ERMP1: variants seen among roughly 807,000 people sequenced by gnomAD.
The protein encoded by ERMP1 is Felix-ina.
A neutral mutation model predicts 92.0 loss-of-function variants in ERMP1; 86 were observed. The observed-to-expected ratio is 0.93, with a 90% CI of 0.79 to 1.12. The LOEUF (loss-of-function observed/expected upper bound fraction) is 1.12, where lower values mean the gene tolerates loss of function less well. Among genes scored for constraint, ERMP1 ranks in the 50% most tolerant of loss-of-function variants. The pLI is 0.00. For missense variants in ERMP1, 1,342 were observed against 1,116.3 expected (o/e 1.20, Z -2.88); for synonymous variants, 530 against 412.8 (o/e 1.28, Z -3.44).
In ERMP1 at chr9:5,825,133, C is replaced by T; in HGVS notation, c.727G>A (p.Val243Ile). The stretch of plus-strand genomic sequence containing the variant: ...TCAGCACCATTAAAGAGAAATATGA[C>T]AGCATGATGCAAGGCTTCTGAAGAT... Reference protein sequence around the residue: ...STSSEALHHAVIFLFNGAEEN... With the variant: ...STSSEALHHAIIFLFNGAEEN... Residue 243 changes from valine (V) to isoleucine (I), a missense_variant, in exon 3 of 15, where the codon GTC (valine) becomes ATC (isoleucine). Val to Ile is a conservative substitution (Grantham distance 29, BLOSUM62 3). Transcript: ENST00000339450. 1 of 1,614,038 alleles carries T rather than the reference C, an allele frequency of 6.2e-7. No homozygotes were observed.
intron 10 of ERMP1, among the ~76,000 whole-genome samples, chr9:5,802,317 C>CTAAAG (rs1350958240): frequency 6.6e-6 from 1 of 152,130 alleles, no homozygotes; most frequent in Non-Finnish European, 1.5e-5. Flanking sequence ...AACCCACCTC[C>CTAAAG]CCTTTATGCC....
At chr9:5,848,762 A>T (rs1402242546) in intron 6 of ERMP1, among the ~76,000 whole-genome samples, 1 of 152,236 alleles carries the variant, frequency 6.6e-6, no homozygotes, top group Non-Finnish European at 1.5e-5. Flanking sequence ...AGGGACTGCA[A>T]CATAGAGACT....
chr9:5,859,431 G>A (rs1043197993), intron 6 of ERMP1, among the ~76,000 whole-genome samples: 4 of 152,180 alleles, frequency 2.6e-5, no homozygotes, highest in African/African-American at 9.7e-5. Flanking sequence ...AGGCTCTGAG[G>A]AATTTAATAA....
At chr9:5,853,193 C>A (rs542995011) in intron 6 of ERMP1, among the ~76,000 whole-genome samples, 1 of 152,312 alleles carries the variant, frequency 6.6e-6, no homozygotes, top group Non-Finnish European at 1.5e-5. Flanking sequence ...AGGTTACTTT[C>A]TTCATTCTGA....
intron 13 of ERMP1, among the ~76,000 whole-genome samples, chr9:5,790,093 A>G (rs1828114369): frequency 6.6e-6 from 1 of 152,168 alleles, no homozygotes. Flanking sequence ...ATTGGATGGA[A>G]AATGGGAGAG....
chr9:5,833,673 T>C (rs544554627), upstream of ERMP1, among the ~76,000 whole-genome samples: 1 of 152,382 alleles, frequency 6.6e-6, no homozygotes, highest in African/African-American at 2.4e-5. Context: ...TCTTATTTAA[T>C]TATCTTTAAC....
upstream of ERMP1, among the ~76,000 whole-genome samples, chr9:5,834,951 T>TA (rs529723719): frequency 1.5e-3 from 168 of 110,184 alleles, 7 homozygotes; most frequent in East Asian, 0.041. Flanking sequence ...ATTAGATAGA[T>TA]AGACAGATGA....
At chr9:5,852,042 G>A (rs981048353) in intron 6 of ERMP1, among the ~76,000 whole-genome samples, 39 of 152,018 alleles carry the variant, frequency 2.6e-4, no homozygotes, top group African/African-American at 9.4e-4. Flanking sequence ...TTATATAGAC[G>A]TTTATGTCAT....
At chr9:5,794,798 T>G (rs1828347240) in intron 13 of ERMP1, among the ~76,000 whole-genome samples, 1 of 152,026 alleles carries the variant, frequency 6.6e-6, no homozygotes, top group African/African-American at 2.4e-5. Flanking sequence ...CCTACGGGGG[T>G]TCATAGGTGA....
At chr9:5,865,380 C>T (rs982639687) in intron 5 of ERMP1, among the ~76,000 whole-genome samples, 3 of 152,040 alleles carry the variant, frequency 2.0e-5, no homozygotes, top group Non-Finnish European at 1.5e-5. Flanking sequence ...CGGTGGCAGG[C>T]GCCTGTAGTC....
At chr9:5,844,943 T>C (rs16923551) in intron 6 of ERMP1, among the ~76,000 whole-genome samples, 6,240 of 152,228 alleles carry the variant, frequency 0.041, 353 homozygotes, top group East Asian at 0.27. Context: ...TGTGGTTTTC[T>C]TCAGAGGGCA....
At chr9:5,814,486 T>C (rs956856679) in intron 4 of ERMP1, among the ~76,000 whole-genome samples, 1 of 152,210 alleles carries the variant, frequency 6.6e-6, no homozygotes, top group Non-Finnish European at 1.5e-5. Flanking sequence ...CTCACGCATA[T>C]AATCCCAGCA....
chr9:5,827,949 G>A (rs1214237124), intron 2 of ERMP1, among the ~76,000 whole-genome samples: 1 of 152,120 alleles, frequency 6.6e-6, no homozygotes, highest in Non-Finnish European at 1.5e-5. Context: ...CTGCACTCTA[G>A]CCTGGGCGAC....
intron 13 of ERMP1, among the ~76,000 whole-genome samples, chr9:5,794,792 C>G (rs540352828): frequency 2.0e-5 from 3 of 152,170 alleles, no homozygotes; most frequent in Admixed American, 6.5e-5. Context: ...ACCAAGCCTA[C>G]GGGGGTTCAT....
At chr9:5,839,936 A>G (rs1830140556) in intron 6 of ERMP1, among the ~76,000 whole-genome samples, 2 of 152,210 alleles carry the variant, frequency 1.3e-5, no homozygotes, top group Non-Finnish European at 2.9e-5. Context: ...TTGGTACATT[A>G]GCAATCCATA....
chr9:5,814,727 C>T (rs1349021908), intron 4 of ERMP1, among the ~76,000 whole-genome samples: 2 of 151,952 alleles, frequency 1.3e-5, no homozygotes, highest in African/African-American at 4.8e-5. Flanking sequence ...GAGACTCCAT[C>T]TGAAAAAATA....
rs1289105399 is a variant in ERMP1, at chr9:5,810,125, A to G, written c.1434T>C (p.Ile478=). 3 of 1,613,982 alleles carry G rather than the reference A, an allele frequency of 1.9e-6. No individual in the cohort carries two copies. The highest frequency in any genetic ancestry group is 2.5e-6 in the Non-Finnish European group (3 of 1,179,828). ...VLIIAVFISL[I]GQSLSWYNHF... ...GGTTATACCATGAGAGAGACTGTCC[A>G]ATAAGAGAGATGAACACTGCTATAA... Residue 478 remains isoleucine, a synonymous_variant, in exon 8 of 15, where the codon ATT becomes ATC. Transcript: ENST00000339450.
At position 5,810,142 on chromosome 9, in the gene ERMP1, C is replaced by G; in HGVS notation, c.1417G>C (p.Val473Leu). Residue 473 changes from valine (V) to leucine (L), a missense_variant, in exon 8 of 15, where the codon GTG becomes CTG. Physicochemically the swap from Val to Leu is conservative, Grantham distance 32. Coordinates refer to ENST00000339450, the MANE Select transcript of ERMP1 (RefSeq NM_024896.3). ...TSLVTVLIIA[V>L]FISLIGQSLS... ...GACTGTCCAATAAGAGAGATGAACACTGCTATAATGAGAACGGTAACAAGG... is the reference window on the plus strand; with the variant it reads ...GACTGTCCAATAAGAGAGATGAACAGTGCTATAATGAGAACGGTAACAAGG... 6.2e-7 allele frequency: 1 copy of G among 1,613,976 alleles called. No homozygotes were observed. Among genetic ancestry groups the G allele is most frequent in the Non-Finnish European group, 8.5e-7 (1 of 1,179,884 alleles).
At position 5,810,075 on chromosome 9, in the gene ERMP1, TAC is replaced by T; in HGVS notation, c.1482_1483del (p.Tyr495TrpfsTer34). 1.9e-6 allele frequency: 3 copies of T among 1,614,004 alleles called. No individual in the cohort carries two copies. The highest frequency in any genetic ancestry group is 1.7e-6 in the Non-Finnish European group (2 of 1,179,914). On this transcript the variant is annotated frameshift_variant, in exon 8 of 15. Coordinates refer to ENST00000339450, the MANE Select transcript of ERMP1 (RefSeq NM_024896.3). LOFTEE classifies it high-confidence loss of function. The stretch of plus-strand genomic sequence containing the variant: ...TATTTTGGCTACAGTTGCAGTTCCA[TAC>T]AGACAAACGGAGACATAGAAGTGGT...
Sources: gnomAD v4.1 joint callset for allele counts (sites outside exome capture counted in the v4.1 genomes callset) on GRCh38, gnomAD v4.1.1 for gene constraint, MANE v1.5 for transcripts, NCBI Gene and HGNC (gene_info 2026-07-23, HGNC 2026-07-21) for gene names.